The following HBEGF variants were observed in gnomAD, a reference collection of about 807,000 sequenced individuals.
HBEGF encodes the protein heparin binding EGF like growth factor.
A neutral mutation model predicts 19.5 loss-of-function variants in HBEGF; 8 were observed. The observed-to-expected ratio is 0.41, with a 90% CI of 0.24 to 0.74. HBEGF has a LOEUF of 0.74. Among genes scored for constraint, HBEGF ranks in the 30% least tolerant of loss-of-function variants. HBEGF has a pLI of 0.32. For missense variants in HBEGF, 207 were observed against 256.9 expected, an observed-to-expected ratio of 0.81 and a Z score of 1.33; for synonymous variants, 97 against 108.9, an observed-to-expected ratio of 0.89 and a Z score of 0.68.
chr5:140,336,828 CTTTTTTT>C (rs1160533557), intron 3 of HBEGF, among the ~76,000 whole-genome samples: 9 of 129,802 alleles, frequency 6.9e-5, no homozygotes, highest in South Asian at 2.4e-4. Flanking sequence ...TTTTCTTTTT[CTTTTTTT>C]TTTTTTTTTT....
intron 3 of HBEGF, among the ~76,000 whole-genome samples, chr5:140,339,454 A>T (rs1766275167): frequency 6.6e-6 from 1 of 152,004 alleles, no homozygotes. Context: ...GTGCAATGGC[A>T]CTATCTCGGC....
intron 3 of HBEGF, among the ~76,000 whole-genome samples, chr5:140,337,125 C>G (rs558448592): frequency 6.6e-6 from 1 of 152,078 alleles, no homozygotes; most frequent in East Asian, 1.9e-4. Flanking sequence ...GCCACCACAC[C>G]GGGCTGGCAA....
At chr5:140,339,430 T>C (rs1360466162) in intron 3 of HBEGF, among the ~76,000 whole-genome samples, 1 of 152,196 alleles carries the variant, frequency 6.6e-6, no homozygotes, top group Non-Finnish European at 1.5e-5. Context: ...TTTGCTCTTG[T>C]TGCCTAGGCT....
At chr5:140,342,981 G>C in intron 2 of HBEGF, 169 bp from the exon 3 acceptor site, 3 of 664,020 alleles carry the variant, frequency 4.5e-6, no homozygotes, top group Non-Finnish European at 7.8e-6. Context: ...AGGAAGATTG[G>C]GCAGAACCAC....
rs950203628 is a variant in HBEGF at position 140,346,587 on chromosome 5, A to C, written c.-259T>G. The stretch of plus-strand genomic sequence containing the variant: ...GGCCAGCCAGCAGCGTGGCCCGCGT[A>C]GCTCCTTCGGCCGAATGAGCGCTGC... On this transcript the variant is annotated 5_prime_UTR_variant, in exon 1 of 6. Transcript: ENST00000230990. This position sits in a 1 kb window ranked among gnomAD's most constrained non-coding sequence, Gnocchi z 6.1. 7.5e-6 allele frequency: 4 copies of C among 531,922 alleles called. No individual in the cohort carries two copies. The highest frequency in any genetic ancestry group is 1.3e-5 in the Non-Finnish European group (4 of 301,084). The allele number at this position is 531,922 out of a possible 1,614,324, so 33.0% of individuals were successfully genotyped here.
Position 140,345,998 on chromosome 5 carries a change from C to G in HBEGF, c.133G>C (p.Val45Leu), listed in dbSNP as rs1766393435. 6.2e-7 allele frequency: 1 copy of G among 1,614,184 alleles called. No homozygotes were observed. Among genetic ancestry groups the G allele is most frequent in the African/African-American group, 1.3e-5 (1 of 75,056 alleles). ...AGTSNPDPPT[V>L]STDQLLPLGG... Reference sequence around the variant, plus strand: ...AGGGGTAGCAGCTGGTCCGTGGATACAGTGGGAGGGTCCGGGTTGCTGGTT... The same window carrying G: ...AGGGGTAGCAGCTGGTCCGTGGATAGAGTGGGAGGGTCCGGGTTGCTGGTT... The change falls in exon 2 of 6, where the codon GTA (valine) becomes CTA (leucine). Residue 45 changes from valine (V) to leucine (L), a missense_variant. Physicochemically the swap from Val to Leu is conservative, Grantham distance 32. Around this residue, in one of 3 missense-constraint regions of HBEGF, gnomAD observed 127 missense variants for 132.7 expected, o/e 0.96. Transcript: ENST00000230990.
chr5:140,334,811 G>T (rs1766203294), intron 4 of HBEGF, 63 bp from the exon 5 acceptor site: 1 of 1,312,872 alleles, frequency 7.6e-7, no homozygotes, highest in Non-Finnish European at 1.1e-6. Flanking sequence ...GTCCAGAGCA[G>T]GTCCTTCCAA....
intron 3 of HBEGF, among the ~76,000 whole-genome samples, chr5:140,338,780 C>T (rs1766265167): frequency 6.6e-6 from 1 of 152,138 alleles, no homozygotes. Context: ...CACATTCTTC[C>T]CACCCACGTC....
intron 3 of HBEGF, 102 bp downstream of exon 3, chr5:140,342,533 A>C: frequency 8.6e-7 from 1 of 1,162,134 alleles, no homozygotes; most frequent in Non-Finnish European, 1.3e-6. Flanking sequence ...TTGAGAAGAA[A>C]CTGGGTGAAA....
intron 3 of HBEGF, among the ~76,000 whole-genome samples, chr5:140,338,397 G>A (rs1163852935): frequency 6.6e-6 from 1 of 152,236 alleles, no homozygotes; most frequent in African/African-American, 2.4e-5. Flanking sequence ...TACAAAGCTA[G>A]TGAGTCGTAG....
rs1352601159 is a variant in HBEGF, at chr5:140,332,871, T to C, written c.*1428A>G. On this transcript the variant is annotated 3_prime_UTR_variant, in exon 6 of 6. Transcript: ENST00000230990. The stretch of plus-strand genomic sequence containing the variant: ...GGAATAAGGGTTATCTTTATTTGGA[T>C]TGCAAAGTATAAATATGAACCAGGT... 2 of 152,640 alleles carry C rather than the reference T, an allele frequency of 1.3e-5. No homozygotes were observed. The highest frequency in any genetic ancestry group is 2.9e-5 in the Non-Finnish European group (2 of 68,056). The allele number at this position is 152,640 out of a possible 1,614,324, so 9.5% of individuals were successfully genotyped here. A position where few individuals can be genotyped will look rare whatever the true frequency, so the allele number is the denominator to read the frequency against.
At chr5:140,338,143 A>G (rs1009883510) in intron 3 of HBEGF, among the ~76,000 whole-genome samples, 1 of 152,196 alleles carries the variant, frequency 6.6e-6, no homozygotes, top group East Asian at 1.9e-4. Flanking sequence ...AGCATATCTG[A>G]TAGGCTCCTG....
chr5:140,344,020 C>T (rs1021194224), intron 2 of HBEGF, among the ~76,000 whole-genome samples: 1 of 151,988 alleles, frequency 6.6e-6, no homozygotes, highest in Non-Finnish European at 1.5e-5. Flanking sequence ...TGCCTGTTAT[C>T]GCAGCTACTC....
chr5:140,343,293 G>A (rs1445493649), intron 2 of HBEGF, among the ~76,000 whole-genome samples: 2 of 152,130 alleles, frequency 1.3e-5, no homozygotes, highest in African/African-American at 2.4e-5. Context: ...TGGAGGTTCT[G>A]GGGTTGGAGG....
chr5:140,346,026 A>G lies in HBEGF; in HGVS notation c.105T>C (p.Ala35=), dbSNP rs1196356398. 2.5e-6 allele frequency: 4 copies of G among 1,613,950 alleles called. No individual in the cohort carries two copies. In the African/African-American group the frequency reaches 5.3e-5, roughly 22 times the overall value. The part of the protein sequence containing the change: ...SLERLRRGLA[A]GTSNPDPPTV... ...TGGGAGGGTCCGGGTTGCTGGTTCC[A>G]GCAGCTAGCCCTCTCCGAAGCCGCT... The change falls in exon 2 of 6, where the codon GCT becomes GCC. Residue 35 remains alanine (A), a synonymous_variant. Transcript: ENST00000230990. The surrounding 1 kb of genome is among the most constrained non-coding windows in gnomAD (Gnocchi z 6.1).
Position 140,336,629 on chromosome 5 carries a change from T to C in HBEGF, c.399-602A>G, listed in dbSNP as rs56884014. Among the ~76,000 whole-genome samples, 779 of 150,096 alleles carry C rather than the reference T, an allele frequency of 5.2e-3. 11 individuals carry two copies. The highest frequency in any genetic ancestry group is 0.018 in the African/African-American group (747 of 41,036). On this transcript the variant is annotated intron_variant, in intron 3 of 5. Coordinates refer to ENST00000230990, the MANE Select transcript of HBEGF (RefSeq NM_001945.3). ...GCTCCCCCTGGGTGCAGGGCCCAAC[T>C]TGGGAGCTCAACTCTGGCCTTTGGC...
At chr5:140,336,654 C>T (rs986186469) in intron 3 of HBEGF, among the ~76,000 whole-genome samples, 10 of 151,964 alleles carry the variant, frequency 6.6e-5, no homozygotes, top group Non-Finnish European at 1.5e-4. Context: ...TGGCCTTTGG[C>T]CTCTGCACGC....
intron 3 of HBEGF, among the ~76,000 whole-genome samples, chr5:140,337,403 G>C (rs2237078): frequency 0.2 from 30,041 of 152,166 alleles, 3,498 homozygotes; most frequent in East Asian, 0.31. Flanking sequence ...CATCCAGCCA[G>C]GGGGCACAGT....
At position 140,346,144 on chromosome 5, in the gene HBEGF, C is replaced by A. The variant is rs1347728325; in HGVS notation, c.47-60G>T. ...GCCCAGACCCCTGACCAACACGCAC[C>A]GATGCCGACGCCCGTCCGCCAGAGC... On this transcript the variant is annotated intron_variant, in intron 1 of 5. Transcript: ENST00000230990. The surrounding 1 kb of genome is among the most constrained non-coding windows in gnomAD (Gnocchi z 6.1). The A allele has an allele frequency of 1.4e-5, 22 of 1,573,948 alleles. No individual in the cohort carries two copies. Among genetic ancestry groups the A allele is most frequent in the Non-Finnish European group, 1.9e-5 (22 of 1,160,982 alleles).
Sources: allele counts gnomAD v4.1 joint callset (sites outside exome capture counted in the v4.1 genomes callset), GRCh38; gene constraint gnomAD v4.1.1; regional missense constraint gnomAD v4.1.1; non-coding constraint Gnocchi (gnomAD v3.1); transcripts MANE v1.5; gene names NCBI Gene and HGNC (gene_info 2026-07-23, HGNC 2026-07-21).